The following SRGAP2C variants were observed in gnomAD, a reference collection of about 807,000 sequenced individuals.
The protein encoded by SRGAP2C is SLIT-ROBO Rho GTPase-activating protein 2C.
SRGAP2C carries 15 observed loss-of-function variants against 25.1 expected under a neutral mutation model. The observed-to-expected ratio is 0.60, with a 90% CI of 0.40 to 0.92. SRGAP2C has a LOEUF of 0.92. Among genes scored for constraint, SRGAP2C ranks in the 40% least tolerant of loss-of-function variants. The pLI, the probability that SRGAP2C is intolerant of heterozygous loss-of-function variation, is 0.00. For synonymous variants in SRGAP2C, 44 were observed against 96.6 expected, an observed-to-expected ratio of 0.46 and a Z score of 3.19; for missense variants, 144 against 264.4, an observed-to-expected ratio of 0.54 and a Z score of 3.16.
chr1:121,365,391 A>G, intron 5 of SRGAP2C, 36 bp downstream of exon 5: 1 of 391,452 alleles, frequency 2.6e-6, no homozygotes, highest in Non-Finnish European at 4.5e-6. Context: ...TTTAACAAGC[A>G]GAGGGAAGCA....
chr1:121,224,570 G>A (rs1655620029), intron 2 of SRGAP2C, among the ~76,000 whole-genome samples: 1 of 145,918 alleles, frequency 6.9e-6, no homozygotes. Context: ...CATGCACAGA[G>A]GTGAAGTTCT....
At chr1:121,203,080 C>T (rs1163990177) in intron 2 of SRGAP2C, among the ~76,000 whole-genome samples, 2 of 151,916 alleles carry the variant, frequency 1.3e-5, no homozygotes, top group Non-Finnish European at 2.9e-5. Flanking sequence ...GCCAAGATAA[C>T]CCATTAATCT....
intron 2 of SRGAP2C, among the ~76,000 whole-genome samples, chr1:121,255,710 CAGG>C (rs1366038408): frequency 6.6e-6 from 1 of 151,598 alleles, no homozygotes; most frequent in East Asian, 1.9e-4. Flanking sequence ...CCCAGCTACT[CAGG>C]AGGCTGAGAC....
intron 4 of SRGAP2C, among the ~76,000 whole-genome samples, chr1:121,327,231 CTGGGCAACA>C (rs1658334506): frequency 7.3e-6 from 1 of 136,396 alleles, no homozygotes; most frequent in African/African-American, 2.8e-5. Context: ...CAAGAACAAC[CTGGGCAACA>C]TAACAAGACC....
chr1:121,295,139 C>A (rs1178326596), intron 3 of SRGAP2C, among the ~76,000 whole-genome samples: 1 of 103,808 alleles, frequency 9.6e-6, no homozygotes, highest in Non-Finnish European at 2.0e-5. Flanking sequence ...AGGGGCACAG[C>A]TAGAAGAAAG....
chr1:121,295,029 T>C lies in SRGAP2C; in HGVS notation c.260+10034T>C, dbSNP rs2101579348. 3.6e-5 allele frequency among the ~76,000 whole-genome samples: 3 copies of C among 84,000 alleles called. 1 individual carries two copies. The highest frequency in any genetic ancestry group is 1.2e-4 in the Admixed American group (1 of 8,564). 55.1% of individuals were successfully genotyped at this position (84,000 alleles called of 152,430 possible). On this transcript the variant is annotated intron_variant, in intron 3 of 9. Coordinates refer to ENST00000367123, the MANE Select transcript of SRGAP2C (RefSeq NM_001329984.2). ...GTATATGCTGCAGAAGAGATGAGGC[T>C]CAGTTGGTGTAGACAGGAAACTTCA... is the stretch of plus-strand genomic sequence containing the variant.
chr1:121,305,474 G>C lies in SRGAP2C; in HGVS notation c.261-19004G>C, dbSNP rs1197665456. ...GTTACATGCTTTGGCCTCTCTAATA[G>C]CTCTTTTGCATCAATTCTGATGACC... On this transcript the variant is annotated intron_variant, in intron 3 of 9. Coordinates refer to ENST00000367123, the MANE Select transcript of SRGAP2C (RefSeq NM_001329984.2). Among the ~76,000 whole-genome samples the C allele has an allele frequency of 6.5e-5, 3 of 46,420 alleles. No homozygotes were observed. In the East Asian group the frequency reaches 1.6e-3, roughly 25 times the overall value. The allele number at this position is 46,420 out of a possible 152,430, so 30.5% of individuals were successfully genotyped here.
chr1:121,248,388 A>G (rs1656269000), intron 2 of SRGAP2C, among the ~76,000 whole-genome samples: 1 of 126,852 alleles, frequency 7.9e-6, no homozygotes, highest in African/African-American at 3.1e-5. Flanking sequence ...CTAGAGGCAT[A>G]TCTTCTGATT....
chr1:121,346,553 G>T (rs1658747296), intron 4 of SRGAP2C, among the ~76,000 whole-genome samples: 4 of 151,598 alleles, frequency 2.6e-5, no homozygotes, highest in Admixed American at 2.6e-4. Flanking sequence ...AAGAACTTAG[G>T]GTTGTTCCTG....
intron 4 of SRGAP2C, among the ~76,000 whole-genome samples, chr1:121,347,851 TG>T (rs1342087883): frequency 6.7e-6 from 1 of 149,166 alleles, no homozygotes; most frequent in Non-Finnish European, 1.5e-5. Context: ...CCCCAGGATT[TG>T]GGGGGTGGGG....
intron 2 of SRGAP2C, among the ~76,000 whole-genome samples, chr1:121,250,490 A>C (rs1553331270): frequency 7.0e-6 from 1 of 142,974 alleles, no homozygotes; most frequent in East Asian, 2.0e-4. Flanking sequence ...AAAAGGATTC[A>C]GAAAGGATAA....
At chr1:121,307,331 C>G (rs1392346706) in intron 3 of SRGAP2C, among the ~76,000 whole-genome samples, 1 of 151,908 alleles carries the variant, frequency 6.6e-6, no homozygotes, top group Non-Finnish European at 1.5e-5. Flanking sequence ...AGTTGGTGAC[C>G]TATACGTTGA....
At chr1:121,371,267 C>G (rs1377737663) in intron 5 of SRGAP2C, among the ~76,000 whole-genome samples, 2 of 138,756 alleles carry the variant, frequency 1.4e-5, no homozygotes, top group African/African-American at 5.3e-5. Context: ...ATATATATAT[C>G]TAAGTCCTAT....
rs587712417 is a variant in SRGAP2C at position 121,366,788 on chromosome 1, C to A, written c.486+1433C>A. Among the ~76,000 whole-genome samples, 21 of 151,630 alleles carry A rather than the reference C, an allele frequency of 1.4e-4. No individual in the cohort carries two copies. The East Asian group carries it at 4.1e-3, about 29-fold the overall frequency. On this transcript the variant is annotated intron_variant, in intron 5 of 9. Transcript: ENST00000367123. ...TTCCTGTAAGCATCTTGACCCTCTA[C>A]TATTTGCAGCTGTTTCTGGGGAGGG...
intron 4 of SRGAP2C, among the ~76,000 whole-genome samples, chr1:121,329,946 G>T (rs1336873603): frequency 6.6e-6 from 1 of 151,056 alleles, no homozygotes; most frequent in Non-Finnish European, 1.5e-5. Flanking sequence ...TTGGAACCAG[G>T]GTTTGGGCAA....
chr1:121,310,726 G>T (rs1657963902), intron 3 of SRGAP2C, among the ~76,000 whole-genome samples: 1 of 90,266 alleles, frequency 1.1e-5, no homozygotes, highest in Non-Finnish European at 2.4e-5. Flanking sequence ...TCAAAGATCA[G>T]ATAGTTGTAG....
At position 121,199,638 on chromosome 1, in the gene SRGAP2C, A is replaced by G. The variant is rs1284795247; in HGVS notation, c.67+12125A>G. On this transcript the variant is annotated intron_variant, in intron 2 of 9. Transcript: ENST00000367123. The stretch of plus-strand genomic sequence containing the variant: ...AAACCCCGTCTCTATTAAAAATACA[A>G]AAATTAGCTGGGCATGGTGGCAGGT... Among the ~76,000 whole-genome samples the G allele has an allele frequency of 9.9e-5, 8 of 81,210 alleles. 3 individuals carry two copies. The highest frequency in any genetic ancestry group is 3.5e-4 in the African/African-American group (6 of 17,016). 53.3% of individuals were successfully genotyped at this position (81,210 alleles called of 152,430 possible).
At chr1:121,254,937 C>T (rs1371380368) in intron 2 of SRGAP2C, among the ~76,000 whole-genome samples, 1 of 150,780 alleles carries the variant, frequency 6.6e-6, no homozygotes. Context: ...TGAGCCTTGT[C>T]ACCTTGGCTG....
intron 4 of SRGAP2C, among the ~76,000 whole-genome samples, chr1:121,359,789 GA>G: frequency 6.6e-6 from 1 of 151,870 alleles, no homozygotes; most frequent in Non-Finnish European, 1.5e-5. Flanking sequence ...AAGAAAGAAA[GA>G]AAAGAAAAAA....
Sources: allele counts gnomAD v4.1 joint callset (sites outside exome capture counted in the v4.1 genomes callset), GRCh38; gene constraint gnomAD v4.1.1; transcripts MANE v1.5; gene names NCBI Gene and HGNC (gene_info 2026-07-23, HGNC 2026-07-21).